Variants in TGIF1 observed in about 807,000 individuals in gnomAD.
TGIF1 encodes TGFB induced factor homeobox 1.
Under a neutral mutation model 19.3 loss-of-function variants are expected in TGIF1, and 4 were observed. That is an observed-to-expected ratio of 0.21 (90% confidence interval 0.10 to 0.47). The LOEUF is 0.47. TGIF1 is among the 20% of genes least tolerant of loss of function. TGIF1 has a pLI of 0.98. For missense variants in TGIF1, 275 were observed against 341.4 expected (o/e 0.81, Z 1.53); for synonymous variants, 122 against 129.3 (o/e 0.94, Z 0.38).
At chr18:3,430,230 T>C (rs898464437) in intron 2 of TGIF1, among the ~76,000 whole-genome samples, 37 of 152,198 alleles carry the variant, frequency 2.4e-4, no homozygotes, top group African/African-American at 7.5e-4. Context: ...TTTCTTTAGA[T>C]GCTTTTACCA....
chr18:3,449,850 C>T, upstream of TGIF1: 1 of 985,470 alleles, frequency 1.0e-6, no homozygotes, highest in Middle Eastern at 5.2e-4. Flanking sequence ...AGTTTCCGAA[C>T]CAAACGCACC....
intron 2 of TGIF1, among the ~76,000 whole-genome samples, chr18:3,442,948 T>C (rs912521706): frequency 2.0e-5 from 3 of 152,186 alleles, no homozygotes; most frequent in Admixed American, 6.5e-5. Flanking sequence ...TCACATAACT[T>C]TGGTGAGATT....
At chr18:3,436,475 G>T (rs1337351709) in intron 2 of TGIF1, among the ~76,000 whole-genome samples, 2 of 152,216 alleles carry the variant, frequency 1.3e-5, no homozygotes, top group African/African-American at 4.8e-5. Context: ...AATGTCTGGA[G>T]TGGATGTAGG....
chr18:3,428,357 AGTT>A (rs1026490939), intron 2 of TGIF1, among the ~76,000 whole-genome samples: 1 of 152,178 alleles, frequency 6.6e-6, no homozygotes, highest in African/African-American at 2.4e-5. Flanking sequence ...GTGTTTCTGC[AGTT>A]GTTTGAGTTG....
chr18:3,427,727 G>C (rs1311427525), intron 2 of TGIF1, among the ~76,000 whole-genome samples: 1 of 151,734 alleles, frequency 6.6e-6, no homozygotes, highest in African/African-American at 2.4e-5. Context: ...AGCCACCCGA[G>C]TAACTGGGAT....
At position 3,451,914 on chromosome 18, in the gene TGIF1, T is replaced by G; in HGVS notation, c.16+1409T>G. 6 of 1,529,944 alleles carry G rather than the reference T, an allele frequency of 3.9e-6. No individual in the cohort carries two copies. The South Asian group carries it at 7.7e-5, about 20-fold the overall frequency. 94.8% of individuals were successfully genotyped at this position (1,529,944 alleles called of 1,614,324 possible). The stretch of plus-strand genomic sequence containing the variant: ...CGACCCTTGGGAGGACTGACAGGTC[T>G]AGAGACACGCGCTGTCTGTTGTGGT... On this transcript the variant is annotated intron_variant, in intron 1 of 2. Transcript: ENST00000343820. This position sits in a 1 kb window ranked among gnomAD's most constrained non-coding sequence, Gnocchi z 5.4.
At chr18:3,453,839 C>T (rs559278215) in intron 1 of TGIF1, 15 of 985,260 alleles carry the variant, frequency 1.5e-5, no homozygotes, top group Non-Finnish European at 1.8e-5. Context: ...CCCTCCCCAC[C>T]GCCACATTTT....
chr18:3,440,330 T>A (rs2143233256), intron 2 of TGIF1, among the ~76,000 whole-genome samples: 1 of 150,560 alleles, frequency 6.6e-6, no homozygotes, highest in South Asian at 2.1e-4. Flanking sequence ...CCAACCTGGG[T>A]GACAGAGCAA....
At chr18:3,426,166 CTTTTTTTTTTT>C (rs10675936) in intron 2 of TGIF1, among the ~76,000 whole-genome samples, 5 of 116,612 alleles carry the variant, frequency 4.3e-5, no homozygotes, top group Admixed American at 1.8e-4. Context: ...GGCTAGGGTC[CTTTTTTTTTTT>C]TTTTTTTTTG....
At chr18:3,417,557 A>G (rs2082349322) in intron 1 of TGIF1, among the ~76,000 whole-genome samples, 1 of 152,232 alleles carries the variant, frequency 6.6e-6, no homozygotes, top group South Asian at 2.1e-4. Context: ...TCACAACTCA[A>G]CATGTAAAGT....
chr18:3,439,350 ATT>A (rs763204715), intron 2 of TGIF1, among the ~76,000 whole-genome samples: 3 of 144,412 alleles, frequency 2.1e-5, no homozygotes, highest in Non-Finnish European at 1.5e-5. Context: ...CACTATTTTA[ATT>A]TTTTTTTTTT....
At chr18:3,423,938 A>G (rs902728033) in intron 2 of TGIF1, among the ~76,000 whole-genome samples, 6 of 152,182 alleles carry the variant, frequency 3.9e-5, no homozygotes, top group African/African-American at 1.4e-4. Flanking sequence ...GGTAGAGAGA[A>G]TTAAAGCAGC....
At chr18:3,418,075 A>G (rs1157654043) in intron 1 of TGIF1, 2 of 151,992 alleles carry the variant, frequency 1.3e-5, no homozygotes, top group African/African-American at 4.8e-5. Flanking sequence ...TGAAGGGCCC[A>G]GTGTTACAAT....
chr18:3,457,928 ACTTACAG>A lies in TGIF1; in HGVS notation c.812_818del (p.Thr271AsnfsTer45). 6.2e-7 allele frequency: 1 copy of A among 1,600,418 alleles called. No individual in the cohort carries two copies. The highest frequency in any genetic ancestry group is 8.5e-7 in the Non-Finnish European group (1 of 1,179,952). ...CTGCAGAGATGGAGCTTCAGGCAAA[ACTTACAG>A]CTTAACCCATTTTCAAGCAAAACAG... On this transcript the variant is annotated frameshift_variant, in exon 3 of 3. Transcript: ENST00000343820. LOFTEE classifies it high-confidence loss of function. This position sits in a 1 kb window ranked among gnomAD's most constrained non-coding sequence, Gnocchi z 4.9.
chr18:3,453,731 T>A (rs967920061), intron 1 of TGIF1: 6 of 783,846 alleles, frequency 7.7e-6, no homozygotes, highest in African/African-American at 7.5e-5. Flanking sequence ...ACAAGGTCGC[T>A]GCTTAGGGCG....
chr18:3,436,559 C>T (rs2082616478), intron 2 of TGIF1, among the ~76,000 whole-genome samples: 1 of 152,228 alleles, frequency 6.6e-6, no homozygotes, highest in African/African-American at 2.4e-5. Flanking sequence ...TGGCTCATGC[C>T]TGTAATTCCA....
In TGIF1 at chr18:3,450,456, C is replaced by A; in HGVS notation, c.-34C>A. 1 of 1,554,704 alleles carries A rather than the reference C, an allele frequency of 6.4e-7. No individual in the cohort carries two copies. Among genetic ancestry groups the A allele is most frequent in the Non-Finnish European group, 8.7e-7 (1 of 1,149,010 alleles). On this transcript the variant is annotated 5_prime_UTR_variant, in exon 1 of 3. Transcript: ENST00000343820. Reference sequence around the variant, plus strand: ...CCCCGCTCCTGGCCCCTCCAGACCCCCGCCTTGCCTCGCGCTGGGAGGGGA... The same window carrying A: ...CCCCGCTCCTGGCCCCTCCAGACCCACGCCTTGCCTCGCGCTGGGAGGGGA...
At chr18:3,423,614 C>T (rs546931048) in intron 2 of TGIF1, among the ~76,000 whole-genome samples, 4 of 152,050 alleles carry the variant, frequency 2.6e-5, no homozygotes, top group South Asian at 2.1e-4. Context: ...ACCCAGGAGG[C>T]GGAGCTTGCA....
chr18:3,447,280 T>A (rs1217156908), upstream of TGIF1, among the ~76,000 whole-genome samples: 1 of 151,384 alleles, frequency 6.6e-6, no homozygotes, highest in Non-Finnish European at 1.5e-5. Context: ...ATTTCCCAAT[T>A]CAAGTAACAT....
Sources: allele counts gnomAD v4.1 joint callset (sites outside exome capture counted in the v4.1 genomes callset), GRCh38; gene constraint gnomAD v4.1.1; non-coding constraint Gnocchi (gnomAD v3.1); transcripts MANE v1.5; gene names NCBI Gene and HGNC (gene_info 2026-07-23, HGNC 2026-07-21).